Variants in CDIN1 observed in about 807,000 individuals in gnomAD.
CDIN1 encodes the protein CDAN1-interacting nuclease 1.
Under a neutral mutation model 45.3 loss-of-function variants are expected in CDIN1, and 33 were observed. The ratio of observed to expected loss-of-function variants is 0.73; its 90% CI spans 0.55 to 0.97. The LOEUF (loss-of-function observed/expected upper bound fraction) is 0.97. Among genes scored for constraint, CDIN1 ranks in the 50% least tolerant of loss-of-function variants. The pLI, the probability that CDIN1 is intolerant of heterozygous loss-of-function variation, is 0.00. For missense variants in CDIN1, 303 were observed against 339.4 expected, an observed-to-expected ratio of 0.89 and a Z score of 0.84; for synonymous variants, 118 against 124.4, an observed-to-expected ratio of 0.95 and a Z score of 0.34.
At chr15:36,596,956 A>G (rs945136772) in intron 1 of CDIN1, among the ~76,000 whole-genome samples, 2 of 152,178 alleles carry the variant, frequency 1.3e-5, no homozygotes, top group African/African-American at 2.4e-5. Flanking sequence ...ACACACTTAC[A>G]TTTTTATAAC....
intron 1 of CDIN1, among the ~76,000 whole-genome samples, chr15:36,580,691 G>A (rs375927715): frequency 3.3e-5 from 5 of 152,216 alleles, no homozygotes; most frequent in South Asian, 4.1e-4. Context: ...TGGAAACTGA[G>A]ACCCCAACAT....
At chr15:36,749,379 G>T (rs981394857) in intron 10 of CDIN1, among the ~76,000 whole-genome samples, 1 of 152,150 alleles carries the variant, frequency 6.6e-6, no homozygotes, top group African/African-American at 2.4e-5. Flanking sequence ...ATAATGCCCT[G>T]CCCTGGATTC....
At chr15:36,672,809 CA>C (rs1430308926) in intron 5 of CDIN1, among the ~76,000 whole-genome samples, 1 of 149,220 alleles carries the variant, frequency 6.7e-6, no homozygotes, top group Admixed American at 6.7e-5. Context: ...AAAAAAAAGG[CA>C]AGGGAAATCA....
At chr15:36,791,453 G>A (rs1180715200) in intron 10 of CDIN1, among the ~76,000 whole-genome samples, 2 of 152,226 alleles carry the variant, frequency 1.3e-5, no homozygotes, top group Non-Finnish European at 1.5e-5. Context: ...CAACAGAAGA[G>A]TCTTTTTACC....
At chr15:36,722,954 C>G (rs377669454) in intron 10 of CDIN1, among the ~76,000 whole-genome samples, 1 of 86,970 alleles carries the variant, frequency 1.1e-5, no homozygotes, top group Non-Finnish European at 2.4e-5. Flanking sequence ...ATTACATTCA[C>G]TTGTGTGTGT....
intron 1 of CDIN1, among the ~76,000 whole-genome samples, chr15:36,619,663 G>C (rs925897145): frequency 6.6e-6 from 1 of 151,808 alleles, no homozygotes. Context: ...ACATCCTTCA[G>C]TATAGGAGAT....
chr15:36,620,057 C>T (rs1182923349), intron 1 of CDIN1, among the ~76,000 whole-genome samples: 5 of 152,054 alleles, frequency 3.3e-5, no homozygotes, highest in African/African-American at 4.8e-5. Context: ...TTCTTAAAAA[C>T]ATTGAAAATT....
intron 10 of CDIN1, among the ~76,000 whole-genome samples, chr15:36,758,156 A>G (rs1173159925): frequency 6.6e-6 from 1 of 152,044 alleles, no homozygotes; most frequent in East Asian, 1.9e-4. Flanking sequence ...TCATAGGCTA[A>G]AACTCCTACC....
At position 36,695,406 on chromosome 15, in the gene CDIN1, CA is replaced by C. The variant is rs1483579995; in HGVS notation, c.477-1916del. ...CAGTTGAAATACTAGACTAGGATAA[CA>C]CTCCTTTTCAGACTTTGGGCAATCT... On this transcript the variant is annotated intron_variant, in intron 7 of 10. Coordinates refer to ENST00000566621, the MANE Select transcript of CDIN1 (RefSeq NM_001321759.2). 3.3e-5 allele frequency among the ~76,000 whole-genome samples: 5 copies of C among 152,234 alleles called. No homozygotes were observed. The East Asian group carries it at 9.6e-4, about 29-fold the overall frequency.
rs1459974897 is a variant in CDIN1, at chr15:36,808,641, T to C, written c.*188T>C. The C allele has an allele frequency of 8.0e-6, 6 of 751,748 alleles. No individual in the cohort carries two copies. The highest frequency in any genetic ancestry group is 1.3e-5 in the Non-Finnish European group (6 of 474,880). 46.6% of individuals were successfully genotyped at this position (751,748 alleles called of 1,614,324 possible). On this transcript the variant is annotated 3_prime_UTR_variant, in exon 11 of 11. Coordinates refer to ENST00000566621, the MANE Select transcript of CDIN1 (RefSeq NM_001321759.2). ...TCTGTTTTCCTTCATCCCTTGCTGA[T>C]GTGAACAGCCAAGAACTACAGACAC...
chr15:36,661,505 G>A (rs1047774779), intron 5 of CDIN1, among the ~76,000 whole-genome samples: 3 of 151,782 alleles, frequency 2.0e-5, no homozygotes. Flanking sequence ...GTTTTATACC[G>A]TGTTTTCTAA....
chr15:36,684,730 G>A (rs1421789002), intron 5 of CDIN1, among the ~76,000 whole-genome samples: 33 of 152,092 alleles, frequency 2.2e-4, no homozygotes, highest in African/African-American at 7.5e-4. Context: ...TGGTTGGTAA[G>A]CTATTGATTA....
intron 7 of CDIN1, among the ~76,000 whole-genome samples, chr15:36,692,795 A>G (rs1044234794): frequency 7.9e-5 from 12 of 152,206 alleles, no homozygotes; most frequent in African/African-American, 2.7e-4. Flanking sequence ...TGAGATTACT[A>G]AAGAGTTAAT....
At chr15:36,687,815 A>G (rs983865639) in intron 5 of CDIN1, among the ~76,000 whole-genome samples, 1 of 152,178 alleles carries the variant, frequency 6.6e-6, no homozygotes, top group Admixed American at 6.5e-5. Flanking sequence ...CAGTTTTCTG[A>G]AGACATATAA....
At chr15:36,688,824 G>C (rs1274940556) in intron 5 of CDIN1, among the ~76,000 whole-genome samples, 1 of 152,168 alleles carries the variant, frequency 6.6e-6, no homozygotes, top group African/African-American at 2.4e-5. Context: ...GTAAAAGTAG[G>C]TTTACATTCT....
chr15:36,783,204 C>G (rs2054396665), intron 10 of CDIN1, among the ~76,000 whole-genome samples: 1 of 152,172 alleles, frequency 6.6e-6, no homozygotes, highest in South Asian at 2.1e-4. Flanking sequence ...AAATTAAGTG[C>G]ACTTTTCTTG....
chr15:36,685,445 T>C (rs1268095647), intron 5 of CDIN1, among the ~76,000 whole-genome samples: 5 of 152,018 alleles, frequency 3.3e-5, no homozygotes, highest in South Asian at 4.2e-4. Flanking sequence ...GTCTGAGAGA[T>C]AGTTTGTTAT....
intron 10 of CDIN1, among the ~76,000 whole-genome samples, chr15:36,743,082 T>C (rs2044294866): frequency 6.6e-6 from 1 of 152,158 alleles, no homozygotes; most frequent in Admixed American, 6.5e-5. Flanking sequence ...TAAGTAACTT[T>C]GGTATTTCTG....
intron 7 of CDIN1, among the ~76,000 whole-genome samples, chr15:36,693,505 C>A (rs1371957084): frequency 6.6e-6 from 1 of 152,110 alleles, no homozygotes; most frequent in African/African-American, 2.4e-5. Context: ...CTCAGAGTAT[C>A]TGGGGTTGAA....
Sources: gnomAD v4.1 joint callset for allele counts (sites outside exome capture counted in the v4.1 genomes callset) on GRCh38, gnomAD v4.1.1 for gene constraint, MANE v1.5 for transcripts, NCBI Gene and HGNC (gene_info 2026-07-23, HGNC 2026-07-21) for gene names.